The following NSUN7 variants were observed in gnomAD, a reference collection of about 807,000 sequenced individuals.
The protein encoded by NSUN7 is protein NSUN7.
NSUN7 carries 39 observed loss-of-function variants against 58.5 expected under a neutral mutation model. That is an observed-to-expected ratio of 0.67 (90% CI 0.52 to 0.87). The LOEUF (loss-of-function observed/expected upper bound fraction) is 0.87, where lower values mean the gene tolerates loss of function less well. NSUN7 is among the 40% of genes least tolerant of loss of function. NSUN7 has a pLI of 0.00. For synonymous variants in NSUN7, 278 were observed against 303.7 expected (o/e 0.92, Z 0.88); for missense variants, 765 against 844.1 (o/e 0.91, Z 1.16).
At chr4:40,780,107 C>T (rs1742455652) in intron 7 of NSUN7, among the ~76,000 whole-genome samples, 2 of 152,094 alleles carry the variant, frequency 1.3e-5, no homozygotes, top group Admixed American at 1.3e-4. Flanking sequence ...ATGGTGAAAC[C>T]CCATCTCTAC....
intron 8 of NSUN7, among the ~76,000 whole-genome samples, chr4:40,792,478 G>T (rs1000577276): frequency 4.6e-5 from 7 of 152,220 alleles, no homozygotes; most frequent in African/African-American, 1.7e-4. Flanking sequence ...CTGGCCGGGA[G>T]CGGTGGCTCA....
chr4:40,805,058 C>T (rs533330580), intron 10 of NSUN7, among the ~76,000 whole-genome samples: 38 of 152,262 alleles, frequency 2.5e-4, no homozygotes, highest in Non-Finnish European at 3.7e-4. Context: ...GCAGCGAGCT[C>T]ACTTCTCTGT....
intron 2 of NSUN7, among the ~76,000 whole-genome samples, chr4:40,755,036 A>G (rs1328201166): frequency 6.6e-6 from 1 of 152,224 alleles, no homozygotes; most frequent in African/African-American, 2.4e-5. Flanking sequence ...TTACTAATGA[A>G]AAGTTGCCTA....
intron 10 of NSUN7, among the ~76,000 whole-genome samples, chr4:40,799,496 TAAAA>T (rs200893138): frequency 7.0e-6 from 1 of 142,910 alleles, no homozygotes; most frequent in Non-Finnish European, 1.5e-5. Flanking sequence ...CCTGTGTGTT[TAAAA>T]AAAAAAAAAA....
intron 9 of NSUN7, among the ~76,000 whole-genome samples, chr4:40,797,141 C>G (rs1257362349): frequency 2.6e-5 from 4 of 152,124 alleles, no homozygotes; most frequent in Non-Finnish European, 5.9e-5. Flanking sequence ...CCTTCCAGGC[C>G]TTCTCTCTGG....
intron 10 of NSUN7, among the ~76,000 whole-genome samples, chr4:40,803,196 T>A (rs1327729454): frequency 6.6e-6 from 1 of 152,144 alleles, no homozygotes; most frequent in Non-Finnish European, 1.5e-5. Flanking sequence ...TTGTTGGACA[T>A]TTGGGTTGGT....
intron 7 of NSUN7, among the ~76,000 whole-genome samples, chr4:40,785,299 A>G (rs180921634): frequency 4.6e-5 from 7 of 152,002 alleles, no homozygotes; most frequent in Non-Finnish European, 8.8e-5. Flanking sequence ...TTTCAGCCAC[A>G]GTGGAATCAA....
At chr4:40,773,921 C>T (rs948737175) in intron 4 of NSUN7, among the ~76,000 whole-genome samples, 2 of 152,042 alleles carry the variant, frequency 1.3e-5, no homozygotes, top group Admixed American at 1.3e-4. Context: ...GCCTCAACCT[C>T]CCGAGTAGCT....
chr4:40,750,779 G>C lies in NSUN7; in HGVS notation c.86G>C (p.Gly29Ala), dbSNP rs1368715766. The C allele has an allele frequency of 6.2e-7, 1 of 1,614,092 alleles. No individual in the cohort carries two copies. The highest frequency in any genetic ancestry group is 8.5e-7 in the Non-Finnish European group (1 of 1,180,050). The change falls in exon 2 of 12, where the codon GGT becomes GCT. Residue 29 changes from glycine (G) to alanine (A), a missense_variant. Gly to Ala is a moderately conservative substitution (Grantham distance 60). Transcript: ENST00000381782. ...CAACTCACTTCCCTGCCTCTGTCCG[G>C]TGGGAAAAGCTCAGCTGGTGTGCCC... ...ISQLTSLPLS[G>A]GKSSAGVPEK...
chr4:40,770,660 T>C (rs2154287397), intron 4 of NSUN7, among the ~76,000 whole-genome samples: 1 of 152,222 alleles, frequency 6.6e-6, no homozygotes, highest in Middle Eastern at 3.4e-3. Context: ...AAAAACTACA[T>C]AAATATTTCT....
intron 4 of NSUN7, among the ~76,000 whole-genome samples, chr4:40,771,056 TA>T (rs1741986157): frequency 6.6e-6 from 1 of 151,906 alleles, no homozygotes; most frequent in Non-Finnish European, 1.5e-5. Context: ...CCTCAAAAAA[TA>T]AAAAATAATA....
intron 7 of NSUN7, among the ~76,000 whole-genome samples, chr4:40,778,592 C>G (rs921011522): frequency 6.6e-6 from 1 of 152,236 alleles, no homozygotes; most frequent in Non-Finnish European, 1.5e-5. Flanking sequence ...ACACCAGACA[C>G]TGAATCTGCT....
chr4:40,776,415 C>G (rs1222092500), intron 7 of NSUN7, 156 bp downstream of exon 7: 1 of 511,312 alleles, frequency 2.0e-6, no homozygotes, highest in African/African-American at 1.9e-5. Context: ...TCAGGCTGTC[C>G]TTGTTGCTTA....
At chr4:40,756,186 A>G (rs1741136183) in intron 2 of NSUN7, among the ~76,000 whole-genome samples, 1 of 152,212 alleles carries the variant, frequency 6.6e-6, no homozygotes, top group South Asian at 2.1e-4. Flanking sequence ...TAGAATATCC[A>G]GAGTTTGGCC....
chr4:40,803,206 T>G (rs1385938501), intron 10 of NSUN7, among the ~76,000 whole-genome samples: 1 of 152,130 alleles, frequency 6.6e-6, no homozygotes, highest in Non-Finnish European at 1.5e-5. Context: ...TTTGGGTTGG[T>G]TCCAAGTCTT....
intron 4 of NSUN7, chr4:40,762,555 G>GT (rs1314966291): frequency 2.0e-5 from 3 of 152,140 alleles, no homozygotes; most frequent in Non-Finnish European, 4.4e-5. Flanking sequence ...AGCTCTTTAC[G>GT]TAACAATTCT....
At chr4:40,801,797 G>A (rs1424681631) in intron 10 of NSUN7, among the ~76,000 whole-genome samples, 1 of 151,606 alleles carries the variant, frequency 6.6e-6, no homozygotes, top group Non-Finnish European at 1.5e-5. Context: ...AGCTATTCGG[G>A]AGGCTGAGGT....
intron 2 of NSUN7, among the ~76,000 whole-genome samples, chr4:40,753,829 T>C (rs1330923028): frequency 6.6e-6 from 1 of 152,072 alleles, no homozygotes; most frequent in African/African-American, 2.4e-5. Context: ...AGTTAATAAG[T>C]GTCATGAGAT....
Position 40,798,924 on chromosome 4 carries a change from T to C in NSUN7, c.1400+20T>C. 2 of 1,244,998 alleles carry C rather than the reference T, an allele frequency of 1.6e-6. No homozygotes were observed. Among genetic ancestry groups the C allele is most frequent in the Non-Finnish European group, 2.3e-6 (2 of 863,792 alleles). The allele number at this position is 1,244,998 out of a possible 1,614,324, so 77.1% of individuals were successfully genotyped here. ...TTACAGGTAAGAAAAGGAAGGATTC[T>C]TCTAAACAACTCAAACAAATATTTT... On this transcript the variant is annotated intron_variant, in intron 10 of 11. Transcript: ENST00000381782.
Sources: allele counts gnomAD v4.1 joint callset (sites outside exome capture counted in the v4.1 genomes callset), GRCh38; gene constraint gnomAD v4.1.1; transcripts MANE v1.5; gene names NCBI Gene and HGNC (gene_info 2026-07-23, HGNC 2026-07-21).